SIPA1L3: variants seen among roughly 807,000 people sequenced by gnomAD.
SIPA1L3 encodes signal induced proliferation associated 1 like 3.
In SIPA1L3, 59 loss-of-function variants were observed where a neutral mutation model predicts 150.1. The observed-to-expected ratio is 0.39, with a 90% confidence interval of 0.32 to 0.49. The LOEUF (loss-of-function observed/expected upper bound fraction) is 0.49, where lower values mean the gene tolerates loss of function less well. Ranked by LOEUF, SIPA1L3 falls within the 20% of genes least tolerant of loss-of-function variation. The probability of loss-of-function intolerance (pLI) is 0.86; values close to 1 mark genes in which losing one functional copy is unlikely to be tolerated. For synonymous variants in SIPA1L3, 1,070 were observed against 1,077.6 expected (o/e 0.99, Z 0.14); for missense variants, 2,211 against 2,489.5 (o/e 0.89, Z 2.38).
At chr19:38,184,136 A>T (rs187319741) in intron 16 of SIPA1L3, among the ~76,000 whole-genome samples, 5 of 152,128 alleles carry the variant, frequency 3.3e-5, no homozygotes, top group African/African-American at 1.2e-4. Context: ...AATTTACTGG[A>T]TCCCACAACA....
intron 1 of SIPA1L3, among the ~76,000 whole-genome samples, chr19:37,939,435 C>T (rs374294403): frequency 2.0e-4 from 30 of 151,518 alleles, no homozygotes; most frequent in Admixed American, 1.5e-3. Context: ...TAGTTTCAAC[C>T]GCATATAATT....
At chr19:38,087,464 C>A (rs941750198) in intron 3 of SIPA1L3, among the ~76,000 whole-genome samples, 1 of 152,146 alleles carries the variant, frequency 6.6e-6, no homozygotes, top group African/African-American at 2.4e-5. Context: ...CCAGAACCAT[C>A]AGTTAAACAT....
Position 38,008,391 on chromosome 19 carries a change from C to A in SIPA1L3, c.-378-20698C>A, listed in dbSNP as rs141394201. Among the ~76,000 whole-genome samples, 21 of 151,920 alleles carry A rather than the reference C, an allele frequency of 1.4e-4. No individual in the cohort carries two copies. In the East Asian group the frequency reaches 4.1e-3, roughly 29 times the overall value. ...TACAGGCACCTGCCACCATGCCCAG[C>A]TAATTTTTTGTATTTTTAGTAGAGA... On this transcript the variant is annotated intron_variant, in intron 1 of 21. Transcript: ENST00000222345.
At chr19:38,189,227 C>T (rs976608008) in intron 16 of SIPA1L3, among the ~76,000 whole-genome samples, 7 of 151,624 alleles carry the variant, frequency 4.6e-5, no homozygotes, top group Admixed American at 3.9e-4. Flanking sequence ...CTCAACCTCC[C>T]GATCTCAAGC....
intron 1 of SIPA1L3, among the ~76,000 whole-genome samples, chr19:37,927,946 G>A (rs1433664598): frequency 1.3e-5 from 2 of 152,126 alleles, no homozygotes; most frequent in African/African-American, 4.8e-5. Flanking sequence ...CCAGTCCGCT[G>A]TTGATGGGCA....
chr19:37,950,763 C>T (rs902308395), intron 1 of SIPA1L3, among the ~76,000 whole-genome samples: 1 of 152,246 alleles, frequency 6.6e-6, no homozygotes, highest in African/African-American at 2.4e-5. Context: ...CCCCAGTACC[C>T]CGGCATGCGG....
In SIPA1L3 at chr19:38,207,323, G is replaced by A. The variant is rs1973241779; in HGVS notation, c.*1083G>A. The A allele has an allele frequency of 6.6e-6, 1 of 151,528 alleles. No homozygotes were observed. The highest frequency in any genetic ancestry group is 2.1e-4 in the South Asian group (1 of 4,800). The allele number at this position is 151,528 out of a possible 1,614,324, so 9.4% of individuals were successfully genotyped here. A position where few individuals can be genotyped will look rare whatever the true frequency, so the allele number is the denominator to read the frequency against. ...CACCCCGCGAACCCCACTGGACGCTGGTTCTCTAAAGGCAATAAGGGGCGG... is the reference window on the plus strand; with the variant it reads ...CACCCCGCGAACCCCACTGGACGCTAGTTCTCTAAAGGCAATAAGGGGCGG... On this transcript the variant is annotated 3_prime_UTR_variant, in exon 22 of 22. Transcript: ENST00000222345.
At chr19:37,967,947 T>G (rs1164160077) in intron 1 of SIPA1L3, among the ~76,000 whole-genome samples, 1 of 142,726 alleles carries the variant, frequency 7.0e-6, no homozygotes, top group Non-Finnish European at 1.6e-5. Context: ...GAGTGAGCCC[T>G]GGCGCCCAGC....
At position 38,082,087 on chromosome 19, in the gene SIPA1L3, C is replaced by T. The variant is rs143333484; in HGVS notation, c.522C>T (p.Ile174=). 1.2e-6 allele frequency: 2 copies of T among 1,611,472 alleles called. No individual in the cohort carries two copies. The highest frequency in any genetic ancestry group is 2.7e-5 in the African/African-American group (2 of 75,070). ...TTCGGCACCGCAGCAGCAGCGAGAT[C>T]ACCCTCAGCGAGTGTGACGCGGAGG... The part of the protein sequence containing the change: ...LPLRHRSSSE[I]TLSECDAEDA... The change falls in exon 3 of 22, where the codon ATC becomes ATT. Residue 174 remains isoleucine (I), a synonymous_variant. Transcript: ENST00000222345.
intron 2 of SIPA1L3, among the ~76,000 whole-genome samples, chr19:38,038,276 T>C (rs1232010337): frequency 6.6e-6 from 1 of 152,148 alleles, no homozygotes; most frequent in Non-Finnish European, 1.5e-5. Context: ...ATGTCCACTG[T>C]GCACTGTATC....
At chr19:38,185,339 C>T (rs1972654745) in intron 16 of SIPA1L3, 1 of 152,214 alleles carries the variant, frequency 6.6e-6, no homozygotes, top group Admixed American at 6.5e-5. Flanking sequence ...TAAGTAGATA[C>T]TATAAGGCCC....
intron 13 of SIPA1L3, 103 bp from the exon 14 acceptor site, chr19:38,162,150 G>A: frequency 1.2e-6 from 1 of 812,748 alleles, no homozygotes; most frequent in South Asian, 1.5e-5. Context: ...AAATTGATGG[G>A]GTCATGCCGT....
intron 1 of SIPA1L3, among the ~76,000 whole-genome samples, chr19:37,976,027 C>A (rs2145603968): frequency 6.6e-6 from 1 of 150,840 alleles, no homozygotes. Context: ...ATCACTCGAA[C>A]CCAGGAGGTG....
intron 3 of SIPA1L3, among the ~76,000 whole-genome samples, chr19:38,084,102 G>A (rs570609422): frequency 1.1e-4 from 17 of 150,186 alleles, no homozygotes; most frequent in Admixed American, 8.6e-4. Flanking sequence ...GCAGCCCAGG[G>A]CTGGTATGGT....
chr19:37,952,842 A>T (rs900376506), intron 1 of SIPA1L3, among the ~76,000 whole-genome samples: 1 of 152,184 alleles, frequency 6.6e-6, no homozygotes, highest in African/African-American at 2.4e-5. Context: ...TCTGTTCCAC[A>T]TTGCTGGAGA....
intron 1 of SIPA1L3, among the ~76,000 whole-genome samples, chr19:37,915,954 G>A (rs1385988019): frequency 1.3e-5 from 2 of 151,890 alleles, no homozygotes; most frequent in Non-Finnish European, 2.9e-5. Flanking sequence ...TTGGGAGGCC[G>A]AGGTGGGAGG....
intron 12 of SIPA1L3, among the ~76,000 whole-genome samples, chr19:38,145,463 G>A (rs1971682174): frequency 6.6e-6 from 1 of 151,202 alleles, no homozygotes; most frequent in Non-Finnish European, 1.5e-5. Context: ...AACCTGGTAG[G>A]TGCAGGTTGC....
chr19:37,961,465 G>A (rs1354528936), intron 1 of SIPA1L3, among the ~76,000 whole-genome samples: 1 of 151,962 alleles, frequency 6.6e-6, no homozygotes, highest in Non-Finnish European at 1.5e-5. Flanking sequence ...TTGTACTGAT[G>A]CTCCCTGTGT....
intron 1 of SIPA1L3, among the ~76,000 whole-genome samples, chr19:37,989,980 G>T (rs920597045): frequency 6.6e-6 from 1 of 152,128 alleles, no homozygotes; most frequent in Non-Finnish European, 1.5e-5. Context: ...GGGGTTCCCT[G>T]CTGTGCTTGT....
Sources: gnomAD v4.1 joint callset for allele counts (sites outside exome capture counted in the v4.1 genomes callset) on GRCh38, gnomAD v4.1.1 for gene constraint, MANE v1.5 for transcripts, NCBI Gene and HGNC (gene_info 2026-07-23, HGNC 2026-07-21) for gene names.